Variants in ING1 observed in about 807,000 individuals in gnomAD.
The protein encoded by ING1 is inhibitor of growth family member 1.
A neutral mutation model predicts 23.1 loss-of-function variants in ING1; 4 were observed. The ratio of observed to expected loss-of-function variants is 0.17; its 90% CI spans 0.09 to 0.40. ING1 has a LOEUF of 0.40. ING1 is among the 10% of genes least tolerant of loss of function. ING1 has a pLI of 1.00. For missense variants in ING1, 256 were observed against 393.8 expected, an observed-to-expected ratio of 0.65 and a Z score of 2.96; for synonymous variants, 179 against 166.4, an observed-to-expected ratio of 1.08 and a Z score of -0.58.
At chr13:110,717,781 C>T (rs530994151) in intron 1 of ING1, among the ~76,000 whole-genome samples, 2 of 152,212 alleles carry the variant, frequency 1.3e-5, no homozygotes, top group East Asian at 1.9e-4. Context: ...GCTGAGATCG[C>T]GCCATTGCAC....
intron 1 of ING1, chr13:110,715,537 C>G (rs1566379095): frequency 1.2e-6 from 2 of 1,614,156 alleles, no homozygotes; most frequent in Non-Finnish European, 8.5e-7. Context: ...TGGTATGGGT[C>G]TGTGTTTCCG....
intron 1 of ING1, chr13:110,715,659 G>A (rs748721285): frequency 2.7e-5 from 43 of 1,611,230 alleles, no homozygotes; most frequent in Non-Finnish European, 2.5e-5. Flanking sequence ...CTCGCTGCTG[G>A]GGCGGGCCGT....
chr13:110,714,543 TAGTGA>T (rs2064084561), intron 1 of ING1, among the ~76,000 whole-genome samples: 1 of 148,546 alleles, frequency 6.7e-6, no homozygotes, highest in Admixed American at 6.7e-5. Context: ...GCGCTCTTTG[TAGTGA>T]AGTGATGAGG....
Sources: allele counts gnomAD v4.1 joint callset (sites outside exome capture counted in the v4.1 genomes callset), GRCh38; gene constraint gnomAD v4.1.1; transcripts MANE v1.5; gene names NCBI Gene and HGNC (gene_info 2026-07-23, HGNC 2026-07-21).